The following WARS2 variants were observed in gnomAD, a reference collection of about 807,000 sequenced individuals.
WARS2 encodes tryptophan--tRNA ligase, mitochondrial.
In WARS2, 28 loss-of-function variants were observed where a neutral mutation model predicts 36.5. The observed-to-expected ratio is 0.77, with a 90% CI of 0.57 to 1.05. The LOEUF (loss-of-function observed/expected upper bound fraction) is 1.05. WARS2 is among the 50% of genes least tolerant of loss of function. The pLI is 0.00. For synonymous variants in WARS2, 174 were observed against 178.4 expected, an observed-to-expected ratio of 0.98 and a Z score of 0.20; for missense variants, 435 against 456.8, an observed-to-expected ratio of 0.95 and a Z score of 0.44.
chr1:119,135,621 AAC>A (rs1656425200), intron 1 of WARS2, among the ~76,000 whole-genome samples: 1 of 152,194 alleles, frequency 6.6e-6, no homozygotes, highest in Non-Finnish European at 1.5e-5. Context: ...AAGTATGTAA[AAC>A]ACATACCATG....
intron 1 of WARS2, among the ~76,000 whole-genome samples, chr1:119,132,561 C>A (rs1230164113): frequency 1.3e-5 from 2 of 152,198 alleles, no homozygotes; most frequent in Non-Finnish European, 2.9e-5. Flanking sequence ...GAATCCAAAT[C>A]TGCGATTTGA....
At chr1:119,130,537 T>A (rs1656025451) in intron 1 of WARS2, among the ~76,000 whole-genome samples, 1 of 152,236 alleles carries the variant, frequency 6.6e-6, no homozygotes, top group South Asian at 2.1e-4. Context: ...CTTCCAATCA[T>A]TTATAAACAT....
At chr1:119,136,006 A>C (rs1298671836) in intron 1 of WARS2, among the ~76,000 whole-genome samples, 2 of 152,156 alleles carry the variant, frequency 1.3e-5, no homozygotes, top group Non-Finnish European at 2.9e-5. Context: ...TCCTAAGCTC[A>C]AGAAATACAC....
intron 1 of WARS2, among the ~76,000 whole-genome samples, chr1:119,086,928 C>T (rs985117208): frequency 6.6e-6 from 1 of 152,024 alleles, no homozygotes; most frequent in African/African-American, 2.4e-5. Context: ...TCCTAGAATG[C>T]CCTTTCACCT....
At chr1:119,042,233 T>G (rs754985501) in intron 4 of WARS2, 31 bp downstream of exon 4, 2 of 1,597,832 alleles carry the variant, frequency 1.3e-6, no homozygotes, top group East Asian at 4.5e-5. Context: ...ACCATGAGTA[T>G]GTATAAGACT....
At chr1:119,044,520 T>C (rs1016225659) in intron 3 of WARS2, among the ~76,000 whole-genome samples, 6 of 152,226 alleles carry the variant, frequency 3.9e-5, no homozygotes, top group African/African-American at 1.4e-4. Context: ...ATCTTATGTA[T>C]TAAGTGTCTT....
chr1:119,105,846 G>A (rs1416082638), intron 1 of WARS2, among the ~76,000 whole-genome samples: 1 of 152,130 alleles, frequency 6.6e-6, no homozygotes, highest in Non-Finnish European at 1.5e-5. Context: ...GGAGGTGGAG[G>A]TTGCAGTGAG....
At chr1:119,055,978 A>G (rs1292809859) in intron 2 of WARS2, among the ~76,000 whole-genome samples, 1 of 150,142 alleles carries the variant, frequency 6.7e-6, no homozygotes, top group East Asian at 1.9e-4. Flanking sequence ...TGAATACATG[A>G]TTCAAAGATC....
intron 2 of WARS2, among the ~76,000 whole-genome samples, chr1:119,057,658 C>A (rs1268695386): frequency 6.6e-6 from 1 of 151,756 alleles, no homozygotes; most frequent in Admixed American, 6.6e-5. Context: ...GGCATGGTTG[C>A]AGGTGCCTGT....
At chr1:119,091,226 T>C (rs960550535) in intron 1 of WARS2, among the ~76,000 whole-genome samples, 1 of 152,198 alleles carries the variant, frequency 6.6e-6, no homozygotes, top group Non-Finnish European at 1.5e-5. Flanking sequence ...ATTTGGACAT[T>C]GAGGTTAATG....
intron 1 of WARS2, among the ~76,000 whole-genome samples, chr1:119,082,103 C>T (rs968564693): frequency 1.3e-5 from 2 of 151,880 alleles, no homozygotes; most frequent in African/African-American, 2.4e-5. Flanking sequence ...TGGAGGCCAA[C>T]AATTAAAACT....
intron 2 of WARS2, among the ~76,000 whole-genome samples, chr1:119,072,699 G>T (rs920425742): frequency 1.3e-5 from 2 of 152,096 alleles, no homozygotes; most frequent in African/African-American, 4.8e-5. Flanking sequence ...GAGAGTCAGG[G>T]TAATTTGGGT....
rs551638780 is a variant in WARS2, at chr1:119,037,923, A to G, written c.516-3710T>C. On this transcript the variant is annotated intron_variant, in intron 4 of 5. Coordinates refer to ENST00000235521, the MANE Select transcript of WARS2 (RefSeq NM_015836.4). ...GACTAGTGAAATAGCCTCTAAATAG[A>G]TGGCCCCAGATATTCTTCTCTTCCT... is the stretch of plus-strand genomic sequence containing the variant. 1.6e-4 allele frequency among the ~76,000 whole-genome samples: 24 copies of G among 152,360 alleles called. No individual in the cohort carries two copies. In the East Asian group the frequency reaches 4.0e-3, roughly 26 times the overall value.
intron 4 of WARS2, among the ~76,000 whole-genome samples, chr1:119,038,925 G>A (rs990120942): frequency 1.3e-5 from 2 of 152,106 alleles, no homozygotes; most frequent in African/African-American, 4.8e-5. Flanking sequence ...CAGGTGATCT[G>A]CCTGCCTCGG....
chr1:119,091,282 T>C (rs1653022297), intron 1 of WARS2, among the ~76,000 whole-genome samples: 1 of 152,198 alleles, frequency 6.6e-6, no homozygotes, highest in Non-Finnish European at 1.5e-5. Context: ...ATGGGAAGCA[T>C]TATAGCAAGA....
At chr1:119,070,816 TTTC>T (rs1250055749) in intron 2 of WARS2, among the ~76,000 whole-genome samples, 5 of 152,102 alleles carry the variant, frequency 3.3e-5, no homozygotes, top group Non-Finnish European at 7.4e-5. Context: ...ATATGATTAT[TTTC>T]TTTTCAGCTC....
intron 4 of WARS2, among the ~76,000 whole-genome samples, chr1:119,036,220 T>C (rs909242730): frequency 2.0e-5 from 3 of 151,694 alleles, no homozygotes; most frequent in Admixed American, 6.6e-5. Context: ...AAAATAAAAA[T>C]AAAAATAAAA....
At chr1:119,046,514 ATTT>A (rs113950723) in intron 2 of WARS2, among the ~76,000 whole-genome samples, 3 of 140,868 alleles carry the variant, frequency 2.1e-5, no homozygotes, top group Non-Finnish European at 3.1e-5. Context: ...CATCCGGCTA[ATTT>A]TTTTTTTTTT....
intron 2 of WARS2, among the ~76,000 whole-genome samples, chr1:119,047,060 C>A (rs1648915284): frequency 1.3e-5 from 2 of 152,176 alleles, no homozygotes; most frequent in African/African-American, 4.8e-5. Flanking sequence ...TGTCATCTTT[C>A]TTCCAAGAGG....
Sources: allele counts gnomAD v4.1 joint callset (sites outside exome capture counted in the v4.1 genomes callset), GRCh38; gene constraint gnomAD v4.1.1; transcripts MANE v1.5; gene names NCBI Gene and HGNC (gene_info 2026-07-23, HGNC 2026-07-21).